The following RBFOX3 variants were observed in gnomAD, a reference collection of about 807,000 sequenced individuals.
RBFOX3 encodes RNA binding fox-1 homolog 3, also known as RNA binding protein fox-1 homolog 3.
In RBFOX3, 17 loss-of-function variants were observed where a neutral mutation model predicts 48.7. The ratio of observed to expected loss-of-function variants is 0.35; its 90% CI spans 0.24 to 0.52. The LOEUF is 0.52. Among genes scored for constraint, RBFOX3 ranks in the 20% least tolerant of loss-of-function variants. The pLI, the probability that RBFOX3 is intolerant of heterozygous loss-of-function variation, is 0.94. For synonymous variants in RBFOX3, 212 were observed against 209.5 expected (o/e 1.01, Z -0.10); for missense variants, 382 against 497.5 (o/e 0.77, Z 2.21).
At chr17:79,190,650 A>G (rs1046550108) in intron 4 of RBFOX3, among the ~76,000 whole-genome samples, 1 of 152,026 alleles carries the variant, frequency 6.6e-6, no homozygotes, top group Non-Finnish European at 1.5e-5. Flanking sequence ...TATCACCCTG[A>G]GTGCCAAGAA....
intron 1 of RBFOX3, among the ~76,000 whole-genome samples, chr17:79,491,817 T>C (rs948944380): frequency 2.0e-5 from 3 of 152,280 alleles, no homozygotes; most frequent in African/African-American, 7.2e-5. Context: ...TGGTGGTTCA[T>C]ACCTGTAATC....
chr17:79,538,406 T>A (rs2089190058), intron 1 of RBFOX3, among the ~76,000 whole-genome samples: 1 of 152,192 alleles, frequency 6.6e-6, no homozygotes, highest in Non-Finnish European at 1.5e-5. Context: ...CACCTTGCAG[T>A]CCATGAGGCA....
chr17:79,201,386 G>T (rs532769203), intron 4 of RBFOX3, among the ~76,000 whole-genome samples: 1 of 152,160 alleles, frequency 6.6e-6, no homozygotes, highest in Non-Finnish European at 1.5e-5. Flanking sequence ...CCAGAACCCC[G>T]GCAGTGGCAG....
chr17:79,298,163 C>G (rs1055683761), intron 3 of RBFOX3: 6 of 152,222 alleles, frequency 3.9e-5, no homozygotes, highest in African/African-American at 1.4e-4. Context: ...TACTTTGCAG[C>G]ACTCCATCGA....
chr17:79,653,437 T>C, the RBFOX3 span, among the ~76,000 whole-genome samples: 1 of 152,134 alleles, frequency 6.6e-6, no homozygotes. Flanking sequence ...CAGAAAGTTG[T>C]ACAACAAAAA....
chr17:79,581,273 AC>A (rs2093050103), intron 1 of RBFOX3, among the ~76,000 whole-genome samples: 1 of 152,046 alleles, frequency 6.6e-6, no homozygotes, highest in African/African-American at 2.4e-5. Flanking sequence ...AAACAAAAAA[AC>A]AAACAAACCA....
At chr17:79,518,559 G>C (rs918157077) in intron 1 of RBFOX3, among the ~76,000 whole-genome samples, 1 of 152,250 alleles carries the variant, frequency 6.6e-6, no homozygotes, top group Non-Finnish European at 1.5e-5. Flanking sequence ...CCTGAAGGCT[G>C]GGGGAGCTGG....
At chr17:79,189,539 G>A (rs1168662877) in intron 4 of RBFOX3, among the ~76,000 whole-genome samples, 1 of 152,232 alleles carries the variant, frequency 6.6e-6, no homozygotes. Flanking sequence ...CTCCGTCTGT[G>A]CAGCAATTAT....
At chr17:79,548,775 GT>G (rs2090829570) in intron 1 of RBFOX3, among the ~76,000 whole-genome samples, 1 of 152,208 alleles carries the variant, frequency 6.6e-6, no homozygotes, top group African/African-American at 2.4e-5. Context: ...TGTAGCCCCA[GT>G]GCCTGCTTCA....
intron 3 of RBFOX3, among the ~76,000 whole-genome samples, chr17:79,287,763 C>G (rs6501296): frequency 0.43 from 64,733 of 152,042 alleles, 14,237 homozygotes; most frequent in East Asian, 0.55. Context: ...GGGGTCCAGG[C>G]AGGTTGGGCT....
At chr17:79,491,287 G>A (rs1486887077) in intron 1 of RBFOX3, among the ~76,000 whole-genome samples, 1 of 151,644 alleles carries the variant, frequency 6.6e-6, no homozygotes, top group Non-Finnish European at 1.5e-5. Context: ...GGGGTAGCAG[G>A]AGATGAGACC....
At chr17:79,572,964 A>G (rs1294034214) in intron 1 of RBFOX3, among the ~76,000 whole-genome samples, 1 of 152,162 alleles carries the variant, frequency 6.6e-6, no homozygotes, top group Non-Finnish European at 1.5e-5. Context: ...CAAAACAATT[A>G]TAGGATAAGT....
chr17:79,206,725 T>C (rs1435191583), intron 4 of RBFOX3, among the ~76,000 whole-genome samples: 1 of 152,154 alleles, frequency 6.6e-6, no homozygotes, highest in Admixed American at 6.5e-5. Flanking sequence ...GCCGGCCAGT[T>C]AACACCCCAT....
intron 14 of RBFOX3, chr17:79,092,651 C>CAAAG: frequency 1.0e-6 from 1 of 981,808 alleles, no homozygotes; most frequent in Non-Finnish European, 1.2e-6. Flanking sequence ...CCTGCAACAT[C>CAAAG]AAAGATGAAA....
the RBFOX3 span, among the ~76,000 whole-genome samples, chr17:79,637,830 A>C: frequency 7.0e-6 from 1 of 143,674 alleles, no homozygotes; most frequent in Non-Finnish European, 1.5e-5. Context: ...AGGGAAGGGA[A>C]GGGGAAAAGG....
At chr17:79,146,908 C>T (rs73397963) in intron 4 of RBFOX3, among the ~76,000 whole-genome samples, 5,275 of 152,338 alleles carry the variant, frequency 0.035, 139 homozygotes, top group East Asian at 0.1. Flanking sequence ...GGGTGTCTGG[C>T]AGCTCCTTGG....
At position 79,193,818 on chromosome 17, in the gene RBFOX3, A is replaced by G. The variant is rs577945727; in HGVS notation, c.-34+41948T>C. 6.6e-5 allele frequency among the ~76,000 whole-genome samples: 10 copies of G among 152,338 alleles called. No individual in the cohort carries two copies. In the South Asian group the frequency reaches 2.1e-3, roughly 32 times the overall value. ...CTCTACAGGAAAAAGTGGTCTGCTC[A>G]CTGCCTATTGGGAGGCAATTTAGAA... On this transcript the variant is annotated intron_variant, in intron 4 of 14. Transcript: ENST00000693108.
At chr17:79,597,973 C>T (rs1016073886) in intron 1 of RBFOX3, 2 of 152,276 alleles carry the variant, frequency 1.3e-5, no homozygotes, top group Non-Finnish European at 1.5e-5. Flanking sequence ...CCCATGGAGC[C>T]GCGGCAGGTA....
chr17:79,540,544 G>A (rs1158624767), intron 1 of RBFOX3, among the ~76,000 whole-genome samples: 1 of 152,214 alleles, frequency 6.6e-6, no homozygotes, highest in Admixed American at 6.5e-5. Context: ...CCCACTGCCA[G>A]GTGCTCCTGC....
Sources: allele counts gnomAD v4.1 joint callset (sites outside exome capture counted in the v4.1 genomes callset), GRCh38; gene constraint gnomAD v4.1.1; transcripts MANE v1.5; gene names NCBI Gene and HGNC (gene_info 2026-07-23, HGNC 2026-07-21).